The following TSGA10 variants were observed in gnomAD, a reference collection of about 807,000 sequenced individuals.
The protein encoded by TSGA10 is testis specific 10, also known as testis-specific gene 10 protein.
A neutral mutation model predicts 96.6 loss-of-function variants in TSGA10; 43 were observed. The ratio of observed to expected loss-of-function variants is 0.44; its 90% confidence interval spans 0.35 to 0.57. The LOEUF (loss-of-function observed/expected upper bound fraction) is 0.57, where lower values mean the gene tolerates loss of function less well. TSGA10 is among the 20% of genes least tolerant of loss of function. TSGA10 has a pLI of 0.01. For missense variants in TSGA10, 703 were observed against 834.4 expected (o/e 0.84, Z 1.94); for synonymous variants, 229 against 269.9 (o/e 0.85, Z 1.48).
At chr2:99,094,241 C>T (rs1020253702) in intron 10 of TSGA10, among the ~76,000 whole-genome samples, 1 of 152,092 alleles carries the variant, frequency 6.6e-6, no homozygotes, top group African/African-American at 2.4e-5. Context: ...TCACCTTATA[C>T]AAAAATCAAC....
At chr2:99,084,985 C>A (rs961502771) in intron 10 of TSGA10, among the ~76,000 whole-genome samples, 1 of 151,824 alleles carries the variant, frequency 6.6e-6, no homozygotes, top group African/African-American at 2.4e-5. Context: ...GGAGCGGTGG[C>A]TCATGTCTGT....
rs777598856 is a variant in TSGA10 at position 99,035,389 on chromosome 2, T to C, written c.1455A>G (p.Lys485=). 4 of 1,612,738 alleles carry C rather than the reference T, an allele frequency of 2.5e-6. No individual in the cohort carries two copies. The highest frequency in any genetic ancestry group is 3.4e-6 in the Non-Finnish European group (4 of 1,179,258). Residue 485 remains lysine, a synonymous_variant, in exon 17 of 21, where the codon AAA becomes AAG. Coordinates refer to ENST00000393483, the MANE Select transcript of TSGA10 (RefSeq NM_025244.4). ...GCTCCTCTTCCATTTTTACAACAGA[T>C]TTATGTAAGGTAGAAATCTGGGACT... is the stretch of plus-strand genomic sequence containing the variant. The part of the protein sequence containing the change: ...SYKSQISTLH[K]SVVKMEEELQ...
At chr2:99,092,249 A>G (rs899391842) in intron 10 of TSGA10, among the ~76,000 whole-genome samples, 3 of 152,132 alleles carry the variant, frequency 2.0e-5, no homozygotes, top group Non-Finnish European at 4.4e-5. Context: ...TAATAGTGAC[A>G]CAACCTATCA....
chr2:99,111,393 T>C (rs2091798765), intron 4 of TSGA10, among the ~76,000 whole-genome samples: 2 of 152,150 alleles, frequency 1.3e-5, no homozygotes, highest in South Asian at 2.1e-4. Context: ...TAGGTACCTA[T>C]AGTCATATAT....
Position 99,047,072 on chromosome 2 carries a change from C to A in TSGA10, c.1405-11633G>T, listed in dbSNP as rs149228697. 9.6e-3 allele frequency among the ~76,000 whole-genome samples: 1,465 copies of A among 152,152 alleles called. 14 individuals carry two copies. Among genetic ancestry groups the A allele is most frequent in the African/African-American group, 0.033 (1,389 of 41,504 alleles). ...CAAATAACAGGCTCTGAAATTGAGG[C>A]AATAATTAATAGCTTACCAATCAAA... On this transcript the variant is annotated intron_variant, in intron 16 of 20. Transcript: ENST00000393483.
At chr2:99,137,880 C>T (rs1482053034) in intron 1 of TSGA10, among the ~76,000 whole-genome samples, 1 of 114,236 alleles carries the variant, frequency 8.8e-6, no homozygotes, top group Non-Finnish European at 1.9e-5. Flanking sequence ...GAGTGAGACT[C>T]CATGTCAAAA....
chr2:99,146,998 TAGTC>T, intron 1 of TSGA10: 1 of 153,888 alleles, frequency 6.5e-6, no homozygotes, highest in South Asian at 2.0e-4. Context: ...ATACTAAACT[TAGTC>T]TGTTCTATCT....
chr2:99,047,750 G>A (rs913521321), intron 16 of TSGA10, among the ~76,000 whole-genome samples: 29 of 152,242 alleles, frequency 1.9e-4, no homozygotes, highest in African/African-American at 6.7e-4. Flanking sequence ...GAAATAAAGG[G>A]CATTCAATTA....
intron 16 of TSGA10, among the ~76,000 whole-genome samples, chr2:99,049,634 A>G (rs749592326): frequency 6.6e-6 from 1 of 152,070 alleles, no homozygotes; most frequent in Non-Finnish European, 1.5e-5. Context: ...AATGTAGGTG[A>G]CAGGTTGATA....
At chr2:99,011,219 G>A (rs907899164) in intron 20 of TSGA10, among the ~76,000 whole-genome samples, 6 of 152,216 alleles carry the variant, frequency 3.9e-5, no homozygotes, top group South Asian at 4.2e-4. Flanking sequence ...TGCAACCTCC[G>A]ACACCCGGGT....
intron 1 of TSGA10, among the ~76,000 whole-genome samples, chr2:99,131,934 G>A (rs748478806): frequency 1.5e-4 from 23 of 152,108 alleles, no homozygotes; most frequent in South Asian, 8.3e-4. Flanking sequence ...ATTGATTTGC[G>A]TATGTTGAAC....
rs183046028 is a variant in TSGA10, at chr2:99,116,836, G to A, written c.-140+708C>T. ...ATCAACGTATACTGATCAAATCAGG[G>A]TAATGGGGATATCCATCACCTTAAA... On this transcript the variant is annotated intron_variant, in intron 4 of 20. Coordinates refer to ENST00000393483, the MANE Select transcript of TSGA10 (RefSeq NM_025244.4). 9.8e-4 allele frequency among the ~76,000 whole-genome samples: 149 copies of A among 152,296 alleles called. 1 individual carries two copies. The highest frequency in any genetic ancestry group is 3.4e-3 in the African/African-American group (142 of 41,558).
At chr2:99,072,748 C>T (rs1453735492) in intron 13 of TSGA10, among the ~76,000 whole-genome samples, 1 of 152,198 alleles carries the variant, frequency 6.6e-6, no homozygotes, top group African/African-American at 2.4e-5. Flanking sequence ...GTTTCAACAA[C>T]ACTCACCCAC....
intron 10 of TSGA10, among the ~76,000 whole-genome samples, chr2:99,084,581 A>G (rs1312843466): frequency 6.6e-6 from 1 of 152,164 alleles, no homozygotes; most frequent in Admixed American, 6.5e-5. Context: ...ACCATAAGCT[A>G]AAATAAATTT....
At chr2:99,000,345 G>GAA (rs146211344) in intron 20 of TSGA10, among the ~76,000 whole-genome samples, 1 of 142,618 alleles carries the variant, frequency 7.0e-6, no homozygotes, top group Non-Finnish European at 1.5e-5. Flanking sequence ...CGTCTCTACT[G>GAA]AAAAAAAAAA....
intron 1 of TSGA10, chr2:99,147,151 A>G (rs757508429): frequency 3.5e-6 from 1 of 281,856 alleles, no homozygotes; most frequent in Non-Finnish European, 6.5e-6. Context: ...ACTTTGTGGC[A>G]TATCTTTTTG....
intron 10 of TSGA10, among the ~76,000 whole-genome samples, chr2:99,083,527 A>G (rs1311667554): frequency 1.3e-5 from 2 of 152,228 alleles, no homozygotes; most frequent in Non-Finnish European, 2.9e-5. Flanking sequence ...TATTAAATGC[A>G]TATGGTCTAC....
chr2:99,016,055 AT>A (rs975033977), intron 20 of TSGA10, among the ~76,000 whole-genome samples: 31 of 152,328 alleles, frequency 2.0e-4, no homozygotes, highest in African/African-American at 7.5e-4. Context: ...GAGAATCAAT[AT>A]TGTAAAAATG....
chr2:99,105,250 C>G, intron 9 of TSGA10, 109 bp downstream of exon 9: 1 of 909,214 alleles, frequency 1.1e-6, no homozygotes, highest in South Asian at 1.9e-5. Flanking sequence ...GGACTATAAA[C>G]ACTATCTTAG....
Sources: gnomAD v4.1 joint callset for allele counts (sites outside exome capture counted in the v4.1 genomes callset) on GRCh38, gnomAD v4.1.1 for gene constraint, MANE v1.5 for transcripts, NCBI Gene and HGNC (gene_info 2026-07-23, HGNC 2026-07-21) for gene names.